Variants in ESF1 observed in about 807,000 individuals in gnomAD.
ESF1 encodes the protein ESF1 nucleolar pre-rRNA processing protein.
Under a neutral mutation model 92.0 loss-of-function variants are expected in ESF1, and 58 were observed. The observed-to-expected ratio is 0.63, with a 90% CI of 0.51 to 0.78. The LOEUF (loss-of-function observed/expected upper bound fraction) is 0.78, where lower values mean the gene tolerates loss of function less well. Among genes scored for constraint, ESF1 ranks in the 30% least tolerant of loss-of-function variants. ESF1 has a pLI of 0.00. For missense variants in ESF1, 922 were observed against 989.1 expected, an observed-to-expected ratio of 0.93 and a Z score of 0.91; for synonymous variants, 321 against 313.7, an observed-to-expected ratio of 1.02 and a Z score of -0.24.
intron 9 of ESF1, among the ~76,000 whole-genome samples, chr20:13,748,714 G>A (rs1978449453): frequency 6.7e-6 from 1 of 149,740 alleles, no homozygotes; most frequent in African/African-American, 2.5e-5. Flanking sequence ...AGCCTCCTGA[G>A]TAGCTGGGAC....
At chr20:13,778,879 T>A (rs573184850) in intron 2 of ESF1, among the ~76,000 whole-genome samples, 29 of 152,150 alleles carry the variant, frequency 1.9e-4, no homozygotes, top group Non-Finnish European at 4.1e-4. Context: ...ACTCTTTGTC[T>A]CTACAAAAAT....
intron 9 of ESF1, among the ~76,000 whole-genome samples, chr20:13,748,592 A>ATATATATATTTTTTTT (rs1331098586): frequency 2.1e-5 from 2 of 95,740 alleles, no homozygotes; most frequent in African/African-American, 1.3e-4. Flanking sequence ...ATATATATAT[A>ATATATATATTTTTTTT]TTTTTTTTTT....
intron 9 of ESF1, among the ~76,000 whole-genome samples, chr20:13,746,365 T>C (rs1345666696): frequency 2.0e-5 from 3 of 152,202 alleles, no homozygotes; most frequent in African/African-American, 7.2e-5. Context: ...CAATGAAGTA[T>C]AAGCATTTTT....
chr20:13,759,497 T>C lies in ESF1; in HGVS notation c.1828+195A>G, dbSNP rs200111649. Among the ~76,000 whole-genome samples, 15 of 152,298 alleles carry C rather than the reference T, an allele frequency of 9.8e-5. No homozygotes were observed. In the East Asian group the frequency reaches 2.1e-3, roughly 22 times the overall value. On this transcript the variant is annotated intron_variant, in intron 9 of 13. Coordinates refer to ENST00000617257, the MANE Select transcript of ESF1 (RefSeq NM_001276380.2). ...CTGATAAATGGACAGGAAAAATTTA[T>C]AGTTAGTAAATCAAAGAAACCAATT...
chr20:13,770,060 G>A, intron 6 of ESF1, 39 bp from the exon 7 acceptor site: 1 of 1,208,986 alleles, frequency 8.3e-7, no homozygotes, highest in Non-Finnish European at 1.2e-6. Flanking sequence ...AAAATACGCT[G>A]CAGTGATAAC....
At chr20:13,730,217 C>T (rs73612307) in intron 10 of ESF1, among the ~76,000 whole-genome samples, 8 of 151,498 alleles carry the variant, frequency 5.3e-5, no homozygotes, top group African/African-American at 9.7e-5. Flanking sequence ...GGATTACAGG[C>T]GCCTGCCACC....
intron 11 of ESF1, 134 bp downstream of exon 11, chr20:13,728,240 GGACA>G: frequency 1.6e-6 from 1 of 625,688 alleles, no homozygotes; most frequent in South Asian, 2.2e-5. Flanking sequence ...GTATGCCACA[GGACA>G]GACTTGCTTA....
chr20:13,782,358 T>C (rs1391910873), intron 2 of ESF1, 146 bp downstream of exon 2: 1 of 675,244 alleles, frequency 1.5e-6, no homozygotes, highest in East Asian at 3.3e-5. Context: ...CACTGCATAT[T>C]TCTTTTATAG....
intron 9 of ESF1, among the ~76,000 whole-genome samples, chr20:13,750,363 G>A (rs776766174): frequency 1.6e-4 from 24 of 152,100 alleles, no homozygotes; most frequent in Non-Finnish European, 3.4e-4. Flanking sequence ...AAATTAGTTG[G>A]GTGTGGTGAC....
intron 7 of ESF1, among the ~76,000 whole-genome samples, chr20:13,769,448 A>C (rs1979580904): frequency 6.6e-6 from 1 of 152,216 alleles, no homozygotes; most frequent in Non-Finnish European, 1.5e-5. Context: ...AGAGGCAGAC[A>C]CGCTTGTGTC....
rs572376512 is a variant in ESF1, at chr20:13,769,852, A to G, written c.1518+55T>C. On this transcript the variant is annotated intron_variant, in intron 7 of 13. Coordinates refer to ENST00000617257, the MANE Select transcript of ESF1 (RefSeq NM_001276380.2). The stretch of plus-strand genomic sequence containing the variant: ...AAAGATGCTATAAGTAATATACAAA[A>G]TCTCTTCATAAAGCAATAGAGTCCA... 7 of 1,116,528 alleles carry G rather than the reference A, an allele frequency of 6.3e-6. No homozygotes were observed. The East Asian group carries it at 1.4e-4, about 23-fold the overall frequency. The allele number at this position is 1,116,528 out of a possible 1,614,324, so 69.2% of individuals were successfully genotyped here. A position where few individuals can be genotyped will look rare whatever the true frequency, so the allele number is the denominator to read the frequency against.
intron 9 of ESF1, among the ~76,000 whole-genome samples, chr20:13,752,857 G>A (rs1407189952): frequency 6.6e-6 from 1 of 152,082 alleles, no homozygotes; most frequent in East Asian, 1.9e-4. Context: ...GCAGAACAAA[G>A]GAAGAGCTAC....
chr20:13,745,824 CAA>C (rs1261792391), intron 9 of ESF1, among the ~76,000 whole-genome samples: 1 of 151,928 alleles, frequency 6.6e-6, no homozygotes, highest in African/African-American at 2.4e-5. Context: ...TCAAAATTAA[CAA>C]AACTACAAAA....
intron 9 of ESF1, among the ~76,000 whole-genome samples, chr20:13,758,392 T>G (rs780385865): frequency 1.3e-5 from 2 of 152,162 alleles, no homozygotes; most frequent in Non-Finnish European, 2.9e-5. Flanking sequence ...AAGCCAAACA[T>G]TTAAAACAAA....
intron 11 of ESF1, among the ~76,000 whole-genome samples, chr20:13,719,865 G>C (rs956402535): frequency 2.6e-5 from 4 of 152,112 alleles, no homozygotes; most frequent in Non-Finnish European, 5.9e-5. Flanking sequence ...TAATTTGACA[G>C]TCACTACCTG....
At chr20:13,767,018 CA>C in intron 7 of ESF1, 94 bp from the exon 8 acceptor site, 1 of 1,221,360 alleles carries the variant, frequency 8.2e-7, no homozygotes, top group South Asian at 1.5e-5. Flanking sequence ...GGATGTTTAA[CA>C]GTAAGTTAAA....
chr20:13,769,802 A>C, intron 7 of ESF1, 105 bp downstream of exon 7: 1 of 816,058 alleles, frequency 1.2e-6, no homozygotes. Flanking sequence ...AAATAATAAC[A>C]AAAAAATTAA....
intron 2 of ESF1, among the ~76,000 whole-genome samples, chr20:13,777,049 G>C (rs1310132407): frequency 1.3e-5 from 2 of 152,172 alleles, no homozygotes; most frequent in Non-Finnish European, 2.9e-5. Flanking sequence ...TCTTCTTTTG[G>C]ATATTGTCAT....
intron 7 of ESF1, among the ~76,000 whole-genome samples, chr20:13,768,174 C>A (rs1485432885): frequency 6.6e-6 from 1 of 152,184 alleles, no homozygotes; most frequent in African/African-American, 2.4e-5. Flanking sequence ...CCATACAGTG[C>A]CCACCACGGC....
Sources: allele counts gnomAD v4.1 joint callset (sites outside exome capture counted in the v4.1 genomes callset), GRCh38; gene constraint gnomAD v4.1.1; transcripts MANE v1.5; gene names NCBI Gene and HGNC (gene_info 2026-07-23, HGNC 2026-07-21).